MSRA: variants seen among roughly 807,000 people sequenced by gnomAD.
MSRA encodes the protein mitochondrial peptide methionine sulfoxide reductase.
In MSRA, 54 loss-of-function variants were observed where a neutral mutation model predicts 31.3. That is an observed-to-expected ratio of 1.73 (90% CI 1.39 to 2.17). The LOEUF (loss-of-function observed/expected upper bound fraction) is 2.17. MSRA is among the 30% of genes most tolerant of loss of function. The pLI is 0.00. For synonymous variants in MSRA, 169 were observed against 116.5 expected (o/e 1.45, Z -2.90); for missense variants, 507 against 300.9 (o/e 1.69, Z -5.07).
At chr8:10,344,488 C>T (rs945281183) in intron 5 of MSRA, among the ~76,000 whole-genome samples, 3 of 140,990 alleles carry the variant, frequency 2.1e-5, no homozygotes, top group African/African-American at 7.9e-5. Context: ...GCAGGAGAAT[C>T]GCTTGAACCT....
intron 3 of MSRA, among the ~76,000 whole-genome samples, chr8:10,284,634 C>T (rs1172354163): frequency 1.3e-5 from 2 of 152,162 alleles, no homozygotes; most frequent in African/African-American, 4.8e-5. Flanking sequence ...CTTGGAGTGG[C>T]TCCTCATCTT....
At chr8:10,413,938 G>A (rs1208588781) in intron 5 of MSRA, among the ~76,000 whole-genome samples, 1 of 152,198 alleles carries the variant, frequency 6.6e-6, no homozygotes, top group African/African-American at 2.4e-5. Context: ...GCTGAGGCAG[G>A]AGGATTGTTT....
At chr8:10,208,513 C>G (rs530906772) in intron 2 of MSRA, among the ~76,000 whole-genome samples, 3 of 152,280 alleles carry the variant, frequency 2.0e-5, no homozygotes, top group African/African-American at 7.2e-5. Context: ...CTCATGTCAT[C>G]TAAACTTCCT....
chr8:10,307,316 G>A (rs148741554), intron 4 of MSRA, among the ~76,000 whole-genome samples: 51 of 152,062 alleles, frequency 3.4e-4, no homozygotes, highest in Non-Finnish European at 5.0e-4. Flanking sequence ...ACAGGTGCAC[G>A]CCACCATGCC....
At chr8:10,098,447 CATTT>C (rs1391478730) in intron 1 of MSRA, among the ~76,000 whole-genome samples, 1 of 152,136 alleles carries the variant, frequency 6.6e-6, no homozygotes. Flanking sequence ...ATTACTCGCT[CATTT>C]ATTCATTTAT....
intron 1 of MSRA, among the ~76,000 whole-genome samples, chr8:10,173,286 T>C (rs1805757101): frequency 6.6e-6 from 1 of 152,360 alleles, no homozygotes; most frequent in East Asian, 1.9e-4. Context: ...TTCTCTGCCA[T>C]GTAAAAGATG....
chr8:10,418,987 A>G (rs920275029), intron 5 of MSRA, among the ~76,000 whole-genome samples: 9 of 151,904 alleles, frequency 5.9e-5, no homozygotes, highest in South Asian at 2.1e-4. Context: ...AAATATGTCT[A>G]TAGGTCAGTC....
At chr8:10,177,074 T>C (rs1004582470) in intron 1 of MSRA, among the ~76,000 whole-genome samples, 2 of 152,204 alleles carry the variant, frequency 1.3e-5, no homozygotes, top group Non-Finnish European at 2.9e-5. Flanking sequence ...GTTCAGTTTA[T>C]TACGTGCTGT....
intron 4 of MSRA, among the ~76,000 whole-genome samples, chr8:10,317,188 G>C (rs1585448995): frequency 6.6e-6 from 1 of 152,310 alleles, no homozygotes; most frequent in East Asian, 1.9e-4. Flanking sequence ...CGTTGTTCCT[G>C]ACTTGTCCTG....
intron 5 of MSRA, among the ~76,000 whole-genome samples, chr8:10,348,496 A>G (rs1259169762): frequency 6.7e-6 from 1 of 150,342 alleles, no homozygotes; most frequent in Non-Finnish European, 1.5e-5. Flanking sequence ...CAGCCTTCCA[A>G]GTAGCCGGGA....
intron 5 of MSRA, among the ~76,000 whole-genome samples, chr8:10,334,664 A>G (rs190244147): frequency 2.0e-5 from 3 of 152,224 alleles, no homozygotes; most frequent in Non-Finnish European, 2.9e-5. Context: ...CAGAGCTTTC[A>G]TGTTTGCCAC....
intron 5 of MSRA, among the ~76,000 whole-genome samples, chr8:10,363,711 C>G (rs892890541): frequency 1.6e-5 from 2 of 125,022 alleles, no homozygotes; most frequent in African/African-American, 2.8e-5. Flanking sequence ...TTGAGACCAA[C>G]CTGGGCAACC....
intron 1 of MSRA, among the ~76,000 whole-genome samples, chr8:10,115,884 C>G (rs573153031): frequency 1.3e-5 from 2 of 152,330 alleles, no homozygotes; most frequent in South Asian, 2.1e-4. Flanking sequence ...AATGTAAACA[C>G]TATCCATTTT....
intron 3 of MSRA, among the ~76,000 whole-genome samples, chr8:10,256,855 AC>A (rs1798210258): frequency 6.6e-6 from 1 of 151,980 alleles, no homozygotes; most frequent in African/African-American, 2.4e-5. Flanking sequence ...GTTTGGGAGG[AC>A]CTTGGGCTTC....
At chr8:10,101,086 T>C (rs1414433767) in intron 1 of MSRA, among the ~76,000 whole-genome samples, 1 of 152,224 alleles carries the variant, frequency 6.6e-6, no homozygotes, top group East Asian at 1.9e-4. Context: ...TTGAAACAAA[T>C]AGTCCTTTAC....
chr8:10,320,818 T>G (rs1802006895), intron 5 of MSRA, among the ~76,000 whole-genome samples: 1 of 152,224 alleles, frequency 6.6e-6, no homozygotes, highest in Non-Finnish European at 1.5e-5. Context: ...TCTCCATGTT[T>G]ATATTCACAT....
At chr8:10,142,506 G>C (rs1329221891) in intron 1 of MSRA, among the ~76,000 whole-genome samples, 1 of 152,200 alleles carries the variant, frequency 6.6e-6, no homozygotes, top group Non-Finnish European at 1.5e-5. Flanking sequence ...AGGGAAATGT[G>C]GTTTTCAGAG....
At chr8:10,311,726 G>A (rs1801444751) in intron 4 of MSRA, among the ~76,000 whole-genome samples, 1 of 152,130 alleles carries the variant, frequency 6.6e-6, no homozygotes, top group Admixed American at 6.5e-5. Context: ...CAGTCTGGGT[G>A]ACATAGTGAG....
At chr8:10,107,871 C>A (rs1349780770) in intron 1 of MSRA, among the ~76,000 whole-genome samples, 1 of 152,128 alleles carries the variant, frequency 6.6e-6, no homozygotes, top group African/African-American at 2.4e-5. Context: ...CTAAGTGATT[C>A]TACTTTTTAA....
Sources: gnomAD v4.1 joint callset for allele counts (sites outside exome capture counted in the v4.1 genomes callset) on GRCh38, gnomAD v4.1.1 for gene constraint, MANE v1.5 for transcripts, NCBI Gene and HGNC (gene_info 2026-07-23, HGNC 2026-07-21) for gene names.